TENM4: variants seen among roughly 807,000 people sequenced by gnomAD.
The protein encoded by TENM4 is teneurin-4.
TENM4 carries 82 observed loss-of-function variants against 243.3 expected under a neutral mutation model. That is an observed-to-expected ratio of 0.34 (90% CI 0.28 to 0.40). TENM4 has a LOEUF of 0.40. Among genes scored for constraint, TENM4 ranks in the 10% least tolerant of loss-of-function variants. The probability of loss-of-function intolerance (pLI) is 1.00; values close to 1 mark genes in which losing one functional copy is unlikely to be tolerated. For synonymous variants in TENM4, 1,412 were observed against 1,456.3 expected (o/e 0.97, Z 0.69); for missense variants, 3,138 against 3,673.3 (o/e 0.85, Z 3.77).
At chr11:79,252,067 G>T (rs1360546686) in intron 2 of TENM4, among the ~76,000 whole-genome samples, 2 of 152,124 alleles carry the variant, frequency 1.3e-5, no homozygotes, top group Admixed American at 6.5e-5. Context: ...GGAATAAAAA[G>T]GGCAAAGAAA....
At chr11:79,011,484 C>T (rs528318403) in intron 6 of TENM4, among the ~76,000 whole-genome samples, 3 of 152,312 alleles carry the variant, frequency 2.0e-5, no homozygotes, top group Non-Finnish European at 2.9e-5. Flanking sequence ...TATTGCCTTG[C>T]TTCTGTAAGA....
Position 78,910,867 on chromosome 11 carries a change from T to A in TENM4, c.494-7344A>T, listed in dbSNP as rs1049506490. Among the ~76,000 whole-genome samples, 7 of 152,172 alleles carry A rather than the reference T, an allele frequency of 4.6e-5. No individual in the cohort carries two copies. In the East Asian group the frequency reaches 1.2e-3, roughly 25 times the overall value. On this transcript the variant is annotated intron_variant, in intron 6 of 33. Transcript: ENST00000278550. ...GCCAGTGCTCAAGGCTTCTAAACAG[T>A]ATTTGGCCTGAAATCCCAGATGGAC...
intron 1 of TENM4, among the ~76,000 whole-genome samples, chr11:79,394,372 T>A (rs1858298246): frequency 6.6e-6 from 1 of 152,090 alleles, no homozygotes; most frequent in African/African-American, 2.4e-5. Context: ...AATATATGAG[T>A]TGGAAGTCCC....
At chr11:78,966,139 G>A (rs1218045229) in intron 6 of TENM4, among the ~76,000 whole-genome samples, 1 of 150,520 alleles carries the variant, frequency 6.6e-6, no homozygotes, top group East Asian at 2.0e-4. Flanking sequence ...AGTGACTTTG[G>A]GTAAATTACT....
At chr11:78,742,082 C>T (rs1002282239) in intron 19 of TENM4, among the ~76,000 whole-genome samples, 1 of 152,276 alleles carries the variant, frequency 6.6e-6, no homozygotes, top group African/African-American at 2.4e-5. Flanking sequence ...GGCTTTTATA[C>T]ACCTTATAAG....
intron 29 of TENM4, among the ~76,000 whole-genome samples, chr11:78,683,480 G>A (rs1858571865): frequency 1.3e-5 from 1 of 75,688 alleles, no homozygotes; most frequent in Non-Finnish European, 2.8e-5. Context: ...TAGTCTCGTG[G>A]TGCGCCGTTT....
At chr11:79,242,426 C>T (rs1855439098) in intron 2 of TENM4, among the ~76,000 whole-genome samples, 1 of 152,036 alleles carries the variant, frequency 6.6e-6, no homozygotes, top group Non-Finnish European at 1.5e-5. Flanking sequence ...GAAGAAAAAT[C>T]ATCCGCAATC....
At chr11:79,069,630 C>T (rs1228005926) in intron 5 of TENM4, 92 bp downstream of exon 5, 1 of 1,442,064 alleles carries the variant, frequency 6.9e-7, no homozygotes, top group Non-Finnish European at 9.1e-7. Flanking sequence ...TCACCTGTGC[C>T]ACGCCCACCT....
At chr11:78,898,608 C>T (rs1237702482) in intron 7 of TENM4, among the ~76,000 whole-genome samples, 1 of 152,152 alleles carries the variant, frequency 6.6e-6, no homozygotes, top group East Asian at 1.9e-4. Context: ...TTGCTCTTCT[C>T]AGTCATGCTG....
chr11:79,366,478 C>A (rs1457482373), intron 1 of TENM4, among the ~76,000 whole-genome samples: 1 of 152,234 alleles, frequency 6.6e-6, no homozygotes, highest in Non-Finnish European at 1.5e-5. Flanking sequence ...GCCCCTGCAG[C>A]CAGTGCACAG....
In TENM4 at chr11:78,863,029, G is replaced by A; in HGVS notation, c.1188C>T (p.Val396=). ...TASSWPVPTD[V]SLYPSGGTGL... ...CAGTGCCCCCTGAGGGGTATAGGGA[G>A]ACGTCGGTTGGCACAGGCCAACTGC... The change falls in exon 10 of 34, where the codon GTC becomes GTT. Residue 396 remains valine (V), a synonymous_variant. Coordinates refer to ENST00000278550, the MANE Select transcript of TENM4 (RefSeq NM_001098816.3). The A allele has an allele frequency of 6.5e-7, 1 of 1,536,752 alleles. No homozygotes were observed.
intron 4 of TENM4, among the ~76,000 whole-genome samples, chr11:79,143,527 G>A (rs1862334770): frequency 6.6e-6 from 1 of 151,986 alleles, no homozygotes; most frequent in African/African-American, 2.4e-5. Context: ...AGCCTGTTGT[G>A]GGGTGGAGGG....
intron 4 of TENM4, among the ~76,000 whole-genome samples, chr11:79,115,805 C>T (rs1346858110): frequency 6.6e-6 from 1 of 152,216 alleles, no homozygotes; most frequent in Non-Finnish European, 1.5e-5. Flanking sequence ...GCAAATTCTG[C>T]TCTTCCTATC....
At chr11:78,756,746 TAGAGTGATTCAGTTCTCCCTC>T in intron 19 of TENM4, 38 bp downstream of exon 19, 1 of 1,506,864 alleles carries the variant, frequency 6.6e-7, no homozygotes, top group Non-Finnish European at 9.1e-7. Context: ...AAAGAGGCTC[TAGAGTGATTCAGTTCTCCCTC>T]AGAGAGCCCT....
intron 19 of TENM4, among the ~76,000 whole-genome samples, chr11:78,739,576 T>C (rs2135905476): frequency 6.6e-6 from 1 of 152,138 alleles, no homozygotes; most frequent in Admixed American, 6.5e-5. Flanking sequence ...ACTGAAAACA[T>C]GGTGGTTGAG....
rs80181423 is a variant in TENM4 at position 79,238,208 on chromosome 11, G to A, written c.-264-22299C>T. Reference sequence around the variant, plus strand: ...AAGCCCTTCCTTGACTTGTCCAGCTGTCCTGGACTTGGGGACTCAGGGGGA... The same window carrying A: ...AAGCCCTTCCTTGACTTGTCCAGCTATCCTGGACTTGGGGACTCAGGGGGA... On this transcript the variant is annotated intron_variant, in intron 2 of 33. Transcript: ENST00000278550. 6.4e-3 allele frequency among the ~76,000 whole-genome samples: 972 copies of A among 152,244 alleles called. 9 individuals are homozygous for A. The highest frequency in any genetic ancestry group is 0.022 in the African/African-American group (927 of 41,528).
At chr11:78,755,704 G>A (rs1233551260) in intron 19 of TENM4, among the ~76,000 whole-genome samples, 2 of 152,016 alleles carry the variant, frequency 1.3e-5, no homozygotes, top group East Asian at 1.9e-4. Flanking sequence ...GCATTCAAGC[G>A]GGAGACTCCT....
At chr11:79,246,148 A>T (rs542496653) in intron 2 of TENM4, among the ~76,000 whole-genome samples, 1 of 152,240 alleles carries the variant, frequency 6.6e-6, no homozygotes, top group Admixed American at 6.5e-5. Context: ...CTACATTTAT[A>T]GAGTGCTCAA....
In TENM4 at chr11:78,732,444, C is replaced by T; in HGVS notation, c.3010G>A (p.Glu1004Lys). The T allele has an allele frequency of 1.2e-6, 2 of 1,613,836 alleles. No homozygotes were observed. Among genetic ancestry groups the T allele is most frequent in the Non-Finnish European group, 1.7e-6 (2 of 1,179,834 alleles). The stretch of plus-strand genomic sequence containing the variant: ...TCACAGCTGGGAATCTCATTCTCCT[C>T]ATGTCTCATGATGATGGTTTCCATG... ...FVMETIIMRH[E>K]ENEIPSCDLS... is the part of the protein sequence containing the mutation. The change falls in exon 21 of 34, where the codon GAG becomes AAG. Residue 1004 changes from glutamate to lysine, a missense_variant. By Grantham distance (56) the Glu-to-Lys change is moderately conservative. This residue lies in a region of TENM4 where 2,467 missense variants were observed against 3,059.1 expected (regional missense o/e 0.81). Transcript: ENST00000278550.
Sources: allele counts gnomAD v4.1 joint callset (sites outside exome capture counted in the v4.1 genomes callset), GRCh38; gene constraint gnomAD v4.1.1; regional missense constraint gnomAD v4.1.1; transcripts MANE v1.5; gene names NCBI Gene and HGNC (gene_info 2026-07-23, HGNC 2026-07-21).